Variants in DAB1 observed in about 807,000 individuals in gnomAD.
The protein encoded by DAB1 is DAB adaptor protein 1.
Under a neutral mutation model 64.6 loss-of-function variants are expected in DAB1, and 15 were observed. The ratio of observed to expected loss-of-function variants is 0.23; its 90% CI spans 0.16 to 0.36. DAB1 has a LOEUF of 0.36. Ranked by LOEUF, DAB1 falls within the 10% of genes least tolerant of loss-of-function variation. The pLI is 1.00. For synonymous variants in DAB1, 235 were observed against 251.9 expected (o/e 0.93, Z 0.64); for missense variants, 596 against 706.7 (o/e 0.84, Z 1.78).
chr1:58,350,896 C>CTTTG (rs2100514974), intron 3 of DAB1, among the ~76,000 whole-genome samples: 1 of 152,244 alleles, frequency 6.6e-6, no homozygotes, highest in South Asian at 2.1e-4. Flanking sequence ...AGCATGATGC[C>CTTTG]TCCAGCTTTG....
chr1:57,744,965 G>T (rs1648195013), intron 6 of DAB1, among the ~76,000 whole-genome samples: 3 of 152,104 alleles, frequency 2.0e-5, no homozygotes, highest in African/African-American at 4.8e-5. Context: ...ACATTTCTAA[G>T]GAGCACTAGT....
intron 3 of DAB1, among the ~76,000 whole-genome samples, chr1:58,485,635 T>C (rs951160480): frequency 3.3e-5 from 5 of 152,104 alleles, no homozygotes; most frequent in Non-Finnish European, 7.4e-5. Context: ...ATTCATTTTA[T>C]ATATTTCAGG....
At chr1:58,064,954 C>T (rs10889082) in intron 5 of DAB1, among the ~76,000 whole-genome samples, 21,664 of 152,164 alleles carry the variant, frequency 0.14, 1,712 homozygotes, top group East Asian at 0.31. Flanking sequence ...TCGTGATCCG[C>T]CCACCTCGGC....
chr1:57,462,104 A>G (rs953652195), intron 7 of DAB1, among the ~76,000 whole-genome samples: 5 of 151,198 alleles, frequency 3.3e-5, no homozygotes, highest in African/African-American at 1.2e-4. Flanking sequence ...GCCTGCCACC[A>G]CGCCCGGCTA....
At chr1:58,087,584 CCCATCCCATAGAAA>C (rs980958709) in intron 5 of DAB1, among the ~76,000 whole-genome samples, 4 of 152,088 alleles carry the variant, frequency 2.6e-5, no homozygotes, top group Non-Finnish European at 5.9e-5. Flanking sequence ...ACCCCAAACC[CCCATCCCATAGAAA>C]ACTGGAACTG....
At chr1:57,084,931 G>A (rs185036049) in intron 4 of DAB1, among the ~76,000 whole-genome samples, 1 of 152,058 alleles carries the variant, frequency 6.6e-6, no homozygotes, top group Admixed American at 6.5e-5. Context: ...ACACTAATTG[G>A]CCCCATGATT....
chr1:58,290,071 G>C (rs533801025), intron 4 of DAB1, among the ~76,000 whole-genome samples: 1 of 152,284 alleles, frequency 6.6e-6, no homozygotes, highest in Admixed American at 6.5e-5. Flanking sequence ...GCACTGACTT[G>C]GCGACATGTA....
chr1:58,544,883 C>T (rs1342048375), intron 1 of DAB1, among the ~76,000 whole-genome samples: 6 of 152,152 alleles, frequency 3.9e-5, no homozygotes, highest in Non-Finnish European at 8.8e-5. Flanking sequence ...CCTGAGCCAC[C>T]GCACCTGGCC....
intron 5 of DAB1, among the ~76,000 whole-genome samples, chr1:58,105,588 G>A (rs1173056359): frequency 6.6e-6 from 1 of 152,130 alleles, no homozygotes; most frequent in Non-Finnish European, 1.5e-5. Flanking sequence ...TGTACTTCAG[G>A]TTCCTCATTT....
At chr1:58,431,868 A>T (rs771184511) in intron 3 of DAB1, among the ~76,000 whole-genome samples, 1 of 152,132 alleles carries the variant, frequency 6.6e-6, no homozygotes, top group Admixed American at 6.5e-5. Context: ...AACTGATGAG[A>T]TGTGAACAAC....
rs564448733 is a variant in DAB1 at position 57,805,053 on chromosome 1, T to C, written n.551+78946A>G. Among the ~76,000 whole-genome samples, 7 of 152,316 alleles carry C rather than the reference T, an allele frequency of 4.6e-5. No individual in the cohort carries two copies. The East Asian group carries it at 1.2e-3, about 25-fold the overall frequency. On this transcript the variant is annotated intron_variant and non_coding_transcript_variant, in intron 6 of 20. Transcript: ENST00000485760. ...ATAATCTTTGTCAGGCCTTTTTATC[T>C]TGGGCTTTAGTACATGATGATCCCT...
chr1:57,507,366 A>G (rs185531028), intron 7 of DAB1, among the ~76,000 whole-genome samples: 25 of 152,348 alleles, frequency 1.6e-4, no homozygotes, highest in African/African-American at 5.5e-4. Context: ...CTTAATCACA[A>G]GGTTATTCCA....
intron 5 of DAB1, among the ~76,000 whole-genome samples, chr1:57,970,549 G>C (rs1217995657): frequency 6.6e-6 from 1 of 151,952 alleles, no homozygotes; most frequent in African/African-American, 2.4e-5. Context: ...CATTGATGGG[G>C]ACCCGCCACT....
intron 4 of DAB1, among the ~76,000 whole-genome samples, chr1:57,084,179 G>C (rs1271283904): frequency 6.6e-6 from 1 of 152,260 alleles, no homozygotes; most frequent in Non-Finnish European, 1.5e-5. Flanking sequence ...GATCATACAG[G>C]GTGGCCCACT....
At chr1:57,428,736 A>C (rs150907538), upstream of DAB1, among the ~76,000 whole-genome samples, 359 of 151,194 alleles carry the variant, frequency 2.4e-3, no homozygotes, top group African/African-American at 7.4e-3. Context: ...AAGAACTTTC[A>C]TATTCTGTTC....
chr1:57,518,164 GTGCTAAACTTAATTGTCGT>G (rs1644484373), intron 7 of DAB1, among the ~76,000 whole-genome samples: 1 of 151,942 alleles, frequency 6.6e-6, no homozygotes, highest in African/African-American at 2.4e-5. Context: ...CTGAATCCTT[GTGCTAAACTTAATTGTCGT>G]TGTCGTCATC....
chr1:57,390,281 T>C (rs187936685), intron 1 of DAB1, among the ~76,000 whole-genome samples: 15 of 152,322 alleles, frequency 9.8e-5, no homozygotes, highest in Non-Finnish European at 1.5e-5. Context: ...TATTCATTAG[T>C]TGTGTGGCCT....
intron 4 of DAB1, among the ~76,000 whole-genome samples, chr1:57,128,160 T>TAAAA (rs1557770645): frequency 5.0e-4 from 49 of 98,708 alleles, no homozygotes; most frequent in African/African-American, 1.9e-3. Flanking sequence ...TAAAAATAAA[T>TAAAA]AAATAAATAA....
chr1:57,849,971 C>T (rs558559135), intron 1 of DAB1, among the ~76,000 whole-genome samples: 39 of 152,172 alleles, frequency 2.6e-4, no homozygotes, highest in Admixed American at 6.5e-4. Flanking sequence ...CTCGATAGTC[C>T]TGAGAAAGTG....
Sources: allele counts gnomAD v4.1 joint callset (sites outside exome capture counted in the v4.1 genomes callset), GRCh38; gene constraint gnomAD v4.1.1; transcripts MANE v1.5; gene names NCBI Gene and HGNC (gene_info 2026-07-23, HGNC 2026-07-21).